MACROD2: variants seen among roughly 807,000 people sequenced by gnomAD.
The protein encoded by MACROD2 is mono-ADP ribosylhydrolase 2.
MACROD2 carries 36 observed loss-of-function variants against 70.4 expected under a neutral mutation model. The observed-to-expected ratio is 0.51, with a 90% confidence interval of 0.39 to 0.68. The LOEUF (loss-of-function observed/expected upper bound fraction) is 0.68, where lower values mean the gene tolerates loss of function less well. MACROD2 is among the 30% of genes least tolerant of loss of function. The pLI is 0.00. For missense variants in MACROD2, 496 were observed against 538.4 expected (o/e 0.92, Z 0.78); for synonymous variants, 172 against 178.8 (o/e 0.96, Z 0.30).
chr20:15,887,179 A>G (rs935760979), intron 10 of MACROD2, among the ~76,000 whole-genome samples: 5 of 152,054 alleles, frequency 3.3e-5, no homozygotes, highest in African/African-American at 1.2e-4. Flanking sequence ...GTCCTTCTCT[A>G]TGTTAAGTTA....
chr20:14,020,918 C>A lies in MACROD2; in HGVS notation c.163+18514C>A, dbSNP rs6042481. 7.0e-3 allele frequency among the ~76,000 whole-genome samples: 1,057 copies of A among 151,822 alleles called. 13 individuals carry two copies. The highest frequency in any genetic ancestry group is 0.024 in the African/African-American group (997 of 41,368). Reference sequence around the variant, plus strand: ...ATCATCTTCTTAGGTATTTTCTGAGCATGAATCTTGCTTGGTCATGTACGT... The same window carrying A: ...ATCATCTTCTTAGGTATTTTCTGAGAATGAATCTTGCTTGGTCATGTACGT... On this transcript the variant is annotated intron_variant, in intron 2 of 17. Coordinates refer to ENST00000684519, the MANE Select transcript of MACROD2 (RefSeq NM_001351661.2).
intron 2 of MACROD2, among the ~76,000 whole-genome samples, chr20:14,068,686 G>A (rs922798914): frequency 6.6e-6 from 1 of 152,086 alleles, no homozygotes; most frequent in African/African-American, 2.4e-5. Flanking sequence ...TAAAGTCACA[G>A]GGGAAGGAAA....
intron 3 of MACROD2, among the ~76,000 whole-genome samples, chr20:14,392,461 A>G (rs2083536712): frequency 6.6e-6 from 1 of 152,202 alleles, no homozygotes; most frequent in African/African-American, 2.4e-5. Context: ...GAGGGTTTTA[A>G]ATATTATAAA....
At chr20:15,970,352 G>A (rs1361084134) in intron 13 of MACROD2, among the ~76,000 whole-genome samples, 2 of 152,180 alleles carry the variant, frequency 1.3e-5, no homozygotes, top group East Asian at 1.9e-4. Context: ...ATGTCTTGTG[G>A]AGTTAAGATA....
At chr20:14,083,830 C>T (rs2054033886) in intron 2 of MACROD2, among the ~76,000 whole-genome samples, 2 of 151,790 alleles carry the variant, frequency 1.3e-5, no homozygotes, top group Non-Finnish European at 2.9e-5. Context: ...CTTGTAATCC[C>T]AGCACTTTGG....
intron 4 of MACROD2, among the ~76,000 whole-genome samples, chr20:14,542,009 T>A (rs759171126): frequency 8.5e-5 from 13 of 152,366 alleles, no homozygotes; most frequent in Non-Finnish European, 1.3e-4. Context: ...TTTTAAAATG[T>A]ATAATTTCAT....
chr20:15,907,346 T>G (rs2065162874), intron 10 of MACROD2, among the ~76,000 whole-genome samples: 1 of 152,230 alleles, frequency 6.6e-6, no homozygotes, highest in South Asian at 2.1e-4. Flanking sequence ...ATGGTTTTCT[T>G]ATAGACCTTC....
intron 3 of MACROD2, among the ~76,000 whole-genome samples, chr20:14,232,490 A>T (rs1273074819): frequency 6.6e-6 from 1 of 152,174 alleles, no homozygotes; most frequent in Non-Finnish European, 1.5e-5. Flanking sequence ...TGAACCTTCT[A>T]CATCAGCACT....
chr20:14,572,476 T>A (rs1310629301), intron 4 of MACROD2, among the ~76,000 whole-genome samples: 1 of 152,102 alleles, frequency 6.6e-6, no homozygotes, highest in Non-Finnish European at 1.5e-5. Flanking sequence ...GAAGACTGCA[T>A]AAGAATCTCG....
At chr20:14,831,120 CACTGGGAGGA>C (rs1453050073) in intron 5 of MACROD2, among the ~76,000 whole-genome samples, 2 of 152,026 alleles carry the variant, frequency 1.3e-5, no homozygotes, top group Admixed American at 1.3e-4. Context: ...TGTGTTTCAC[CACTGGGAGGA>C]ACTGGCCACT....
intron 5 of MACROD2, among the ~76,000 whole-genome samples, chr20:14,997,063 G>A (rs1174305530): frequency 2.0e-5 from 3 of 152,166 alleles, no homozygotes; most frequent in African/African-American, 7.2e-5. Context: ...CACAAGCTGA[G>A]GCAGCCAAAG....
intron 8 of MACROD2, among the ~76,000 whole-genome samples, chr20:15,631,384 G>T (rs1940254140): frequency 1.3e-5 from 2 of 152,040 alleles, no homozygotes; most frequent in Admixed American, 6.6e-5. Flanking sequence ...ATGAACGCAG[G>T]CAGAAACCAT....
At chr20:14,650,455 A>T (rs1345535872) in intron 4 of MACROD2, among the ~76,000 whole-genome samples, 1 of 152,182 alleles carries the variant, frequency 6.6e-6, no homozygotes, top group Non-Finnish European at 1.5e-5. Context: ...GCTTTGTAAA[A>T]ATGATTAAGG....
At chr20:14,486,811 G>A (rs1255257460) in intron 3 of MACROD2, among the ~76,000 whole-genome samples, 1 of 152,044 alleles carries the variant, frequency 6.6e-6, no homozygotes, top group East Asian at 1.9e-4. Context: ...GAGACACCAT[G>A]CCCAGCCCCA....
chr20:14,771,152 G>A (rs1171429324), intron 5 of MACROD2, among the ~76,000 whole-genome samples: 1 of 152,002 alleles, frequency 6.6e-6, no homozygotes, highest in Non-Finnish European at 1.5e-5. Context: ...CTGCCTGATG[G>A]CTTGAGCTGG....
intron 3 of MACROD2, among the ~76,000 whole-genome samples, chr20:14,311,128 T>C (rs2082563643): frequency 6.6e-6 from 1 of 152,198 alleles, no homozygotes; most frequent in Admixed American, 6.5e-5. Flanking sequence ...TTTAGTAATG[T>C]TCTAGGCCTT....
At chr20:14,856,010 T>C (rs1191504972) in intron 5 of MACROD2, among the ~76,000 whole-genome samples, 2 of 152,158 alleles carry the variant, frequency 1.3e-5, no homozygotes, top group Admixed American at 6.5e-5. Flanking sequence ...AGAAGAGATA[T>C]AAAGATCCCA....
In MACROD2 at chr20:15,153,363, G is replaced by T. The variant is rs150247388; in HGVS notation, c.419-76577G>T. ...TAGGGGTCACAAGGTGCTCAGTAGG[G>T]GAGCTTTTGAGCCAGGATGAGCCAG... On this transcript the variant is annotated intron_variant, in intron 5 of 17. Transcript: ENST00000684519. Among the ~76,000 whole-genome samples the T allele has an allele frequency of 3.9e-5, 6 of 152,146 alleles. No individual in the cohort carries two copies. In the East Asian group the frequency reaches 5.8e-4, roughly 15 times the overall value.
intron 5 of MACROD2, among the ~76,000 whole-genome samples, chr20:15,031,795 A>T (rs905879520): frequency 3.6e-4 from 55 of 151,676 alleles, no homozygotes; most frequent in African/African-American, 1.3e-3. Flanking sequence ...TGGGCCATGG[A>T]CTCCACCCAG....
Sources: allele counts gnomAD v4.1 joint callset (sites outside exome capture counted in the v4.1 genomes callset), GRCh38; gene constraint gnomAD v4.1.1; transcripts MANE v1.5; gene names NCBI Gene and HGNC (gene_info 2026-07-23, HGNC 2026-07-21).